The following CRYL1 variants were observed in gnomAD, a reference collection of about 807,000 sequenced individuals.
The protein encoded by CRYL1 is lambda-crystallin homolog.
A neutral mutation model predicts 36.6 loss-of-function variants in CRYL1; 29 were observed. That is an observed-to-expected ratio of 0.79 (90% CI 0.59 to 1.08). The LOEUF (loss-of-function observed/expected upper bound fraction) is 1.08, where lower values mean the gene tolerates loss of function less well. Among genes scored for constraint, CRYL1 ranks in the 50% least tolerant of loss-of-function variants. The probability of loss-of-function intolerance (pLI) is 0.00; values close to 1 mark genes in which losing one functional copy is unlikely to be tolerated. For synonymous variants in CRYL1, 152 were observed against 151.5 expected, an observed-to-expected ratio of 1.00 and a Z score of -0.02; for missense variants, 411 against 407.9, an observed-to-expected ratio of 1.01 and a Z score of -0.06.
intron 4 of CRYL1, among the ~76,000 whole-genome samples, chr13:20,437,363 A>C (rs746852358): frequency 4.4e-4 from 66 of 148,862 alleles, no homozygotes; most frequent in Non-Finnish European, 9.2e-4. Context: ...GCTGGAGTGC[A>C]GTGGCGCGAT....
intron 3 of CRYL1, among the ~76,000 whole-genome samples, chr13:20,443,747 G>A (rs1375132305): frequency 6.6e-6 from 1 of 152,182 alleles, no homozygotes; most frequent in East Asian, 1.9e-4. Context: ...ATTGGCTAGT[G>A]CAAGATATCT....
intron 6 of CRYL1, among the ~76,000 whole-genome samples, chr13:20,412,723 C>A (rs1424846241): frequency 6.6e-6 from 1 of 152,122 alleles, no homozygotes; most frequent in Middle Eastern, 3.2e-3. Context: ...GGGCTCAGAC[C>A]TAATTCCCCC....
intron 3 of CRYL1, among the ~76,000 whole-genome samples, chr13:20,448,696 A>T (rs2032504795): frequency 6.6e-6 from 1 of 152,242 alleles, no homozygotes; most frequent in African/African-American, 2.4e-5. Context: ...ATCAACTTAG[A>T]ATTCTATACC....
rs567056628 is a variant in CRYL1 at position 20,415,351 on chromosome 13, G to T, written c.634-1964C>A. On this transcript the variant is annotated intron_variant, in intron 5 of 7. Coordinates refer to ENST00000298248, the MANE Select transcript of CRYL1 (RefSeq NM_015974.3). The surrounding 1 kb of genome is among the most constrained non-coding windows in gnomAD (Gnocchi z 4.1). ...GCCCCAGGGGTCCCCCGAGAAGCGAGAAAAGGGGTTCGAAACCCCCGCCGT... is the reference window on the plus strand; with the variant it reads ...GCCCCAGGGGTCCCCCGAGAAGCGATAAAAGGGGTTCGAAACCCCCGCCGT... Among the ~76,000 whole-genome samples the T allele has an allele frequency of 1.3e-5, 2 of 152,124 alleles. No homozygotes were observed. The highest frequency in any genetic ancestry group is 2.9e-5 in the Non-Finnish European group (2 of 67,998).
rs184459054 is a variant in CRYL1, at chr13:20,405,237, C to T, written c.740-496G>A. Among the ~76,000 whole-genome samples the T allele has an allele frequency of 1.2e-3, 186 of 152,030 alleles. 2 individuals are homozygous for T. The highest frequency in any genetic ancestry group is 4.0e-3 in the African/African-American group (166 of 41,462). On this transcript the variant is annotated intron_variant, in intron 6 of 7. Transcript: ENST00000298248. ...AGTGGGCTGAGATCGCGCCACTGTA[C>T]TCCGGCCTGGGCAACAGAGCGAGAC...
At chr13:20,504,439 G>A (rs1037425259) in intron 2 of CRYL1, among the ~76,000 whole-genome samples, 2 of 151,474 alleles carry the variant, frequency 1.3e-5, no homozygotes, top group African/African-American at 4.9e-5. Flanking sequence ...GAGTAGCTGC[G>A]ATTACAGGCA....
At chr13:20,499,313 T>C in intron 2 of CRYL1, among the ~76,000 whole-genome samples, 1 of 137,896 alleles carries the variant, frequency 7.3e-6, no homozygotes, top group African/African-American at 2.7e-5. Context: ...ATCAGTGCAC[T>C]CCAGCCTGGG....
chr13:20,493,676 AAGAAGGAGAAGG>A (rs903539349), intron 2 of CRYL1, among the ~76,000 whole-genome samples: 4 of 152,132 alleles, frequency 2.6e-5, no homozygotes, highest in African/African-American at 4.8e-5. Flanking sequence ...AAGAAGAAGA[AAGAAGGAGAAGG>A]AGAAGGAGAA....
chr13:20,520,686 G>A (rs1483074549), intron 1 of CRYL1, among the ~76,000 whole-genome samples: 1 of 152,110 alleles, frequency 6.6e-6, no homozygotes, highest in Non-Finnish European at 1.5e-5. Flanking sequence ...CACACACTCA[G>A]TCATTGCTGA....
intron 2 of CRYL1, among the ~76,000 whole-genome samples, chr13:20,505,154 G>C (rs546291037): frequency 1.6e-4 from 24 of 152,208 alleles, no homozygotes; most frequent in African/African-American, 5.5e-4. Context: ...TCAGGAGTTA[G>C]AGACCAGCCT....
At chr13:20,462,272 G>T (rs1223088332) in intron 3 of CRYL1, among the ~76,000 whole-genome samples, 1 of 151,758 alleles carries the variant, frequency 6.6e-6, no homozygotes, top group African/African-American at 2.4e-5. Flanking sequence ...GGCCCTGGGG[G>T]CGCCCAGGGG....
intron 3 of CRYL1, among the ~76,000 whole-genome samples, chr13:20,465,429 G>A (rs2032913153): frequency 6.6e-6 from 1 of 152,190 alleles, no homozygotes; most frequent in Non-Finnish European, 1.5e-5. Context: ...GTGCCCTAGG[G>A]TTGGGCTTGG....
chr13:20,492,539 G>A (rs9509248), intron 2 of CRYL1, among the ~76,000 whole-genome samples: 43,427 of 151,958 alleles, frequency 0.29, 6,702 homozygotes, highest in Admixed American at 0.38. Flanking sequence ...GCCTGCATCC[G>A]TGGCTCATGA....
At chr13:20,518,718 G>A (rs1402312309) in intron 1 of CRYL1, among the ~76,000 whole-genome samples, 1 of 152,210 alleles carries the variant, frequency 6.6e-6, no homozygotes, top group Non-Finnish European at 1.5e-5. Context: ...GGTGTCAGGA[G>A]GCTGGTGCCC....
chr13:20,499,436 C>G (rs746152430), intron 2 of CRYL1, among the ~76,000 whole-genome samples: 14 of 150,644 alleles, frequency 9.3e-5, no homozygotes, highest in Non-Finnish European at 1.9e-4. Context: ...ATCGTGAGGT[C>G]AGGAGATCGA....
chr13:20,418,115 T>C (rs1475268363), intron 5 of CRYL1, among the ~76,000 whole-genome samples: 1 of 152,204 alleles, frequency 6.6e-6, no homozygotes, highest in Non-Finnish European at 1.5e-5. Flanking sequence ...TTGCAAGGCC[T>C]TTCAATGGAC....
chr13:20,423,354 A>C (rs754132377), intron 5 of CRYL1, among the ~76,000 whole-genome samples: 1 of 152,216 alleles, frequency 6.6e-6, no homozygotes, highest in African/African-American at 2.4e-5. Flanking sequence ...TAATCTTAGA[A>C]GAAAAGCCTT....
intron 6 of CRYL1, among the ~76,000 whole-genome samples, chr13:20,408,167 A>T (rs1324120673): frequency 2.0e-5 from 3 of 152,158 alleles, no homozygotes; most frequent in Non-Finnish European, 4.4e-5. Flanking sequence ...TTCCCACCTG[A>T]GTGAGGACTT....
intron 1 of CRYL1, among the ~76,000 whole-genome samples, chr13:20,518,347 T>C (rs2034038876): frequency 6.6e-6 from 1 of 152,014 alleles, no homozygotes; most frequent in South Asian, 2.1e-4. Context: ...ACTGGGAAGG[T>C]GACATTTTAG....
Sources: gnomAD v4.1 joint callset for allele counts (sites outside exome capture counted in the v4.1 genomes callset) on GRCh38, gnomAD v4.1.1 for gene constraint, Gnocchi (gnomAD v3.1) non-coding constraint, MANE v1.5 for transcripts, NCBI Gene and HGNC (gene_info 2026-07-23, HGNC 2026-07-21) for gene names.